ADCY2: variants seen among roughly 807,000 people sequenced by gnomAD.
ADCY2 encodes adenylate cyclase 2, also known as adenylate cyclase type 2.
A neutral mutation model predicts 125.2 loss-of-function variants in ADCY2; 31 were observed. That is an observed-to-expected ratio of 0.25 (90% CI 0.19 to 0.33). ADCY2 has a LOEUF of 0.33. ADCY2 is among the 10% of genes least tolerant of loss of function. ADCY2 has a pLI of 1.00. For missense variants in ADCY2, 904 were observed against 1,418.2 expected, an observed-to-expected ratio of 0.64 and a Z score of 5.82; for synonymous variants, 512 against 548.4, an observed-to-expected ratio of 0.93 and a Z score of 0.93.
chr5:7,411,676 A>G (rs1350483646), intron 1 of ADCY2, among the ~76,000 whole-genome samples: 2 of 152,158 alleles, frequency 1.3e-5, no homozygotes, highest in Non-Finnish European at 2.9e-5. Flanking sequence ...AGAGAGAAAA[A>G]ATAGAGAGTT....
intron 3 of ADCY2, among the ~76,000 whole-genome samples, chr5:7,526,675 A>G (rs1198146543): frequency 6.6e-6 from 1 of 152,216 alleles, no homozygotes; most frequent in Admixed American, 6.5e-5. Context: ...CACAGCAATT[A>G]TTAGTGAAAG....
At chr5:7,692,440 GA>G (rs1317524769) in intron 5 of ADCY2, among the ~76,000 whole-genome samples, 1 of 152,192 alleles carries the variant, frequency 6.6e-6, no homozygotes, top group Non-Finnish European at 1.5e-5. Context: ...ATGGATACAT[GA>G]TAGTAAAAAC....
chr5:7,433,899 TACTTCTGTCATGTC>T (rs1237032910), intron 2 of ADCY2, among the ~76,000 whole-genome samples: 2 of 152,226 alleles, frequency 1.3e-5, no homozygotes, highest in Non-Finnish European at 2.9e-5. Flanking sequence ...ATCAGATTCC[TACTTCTGTCATGTC>T]ATGTCTTCAT....
chr5:7,557,192 G>GATATATAGATATATATATATATATATAT (rs1204974635), intron 3 of ADCY2, among the ~76,000 whole-genome samples: 3 of 80,646 alleles, frequency 3.7e-5, no homozygotes, highest in Admixed American at 1.1e-4. Context: ...TTATATATGT[G>GATATATAGATATATATATATATATATAT]ATATATATAA....
chr5:7,781,227 TA>T (rs1230919525), intron 18 of ADCY2, among the ~76,000 whole-genome samples: 1 of 152,100 alleles, frequency 6.6e-6, no homozygotes, highest in Non-Finnish European at 1.5e-5. Context: ...AGAGAGCTCA[TA>T]CCCAACTAGC....
intron 15 of ADCY2, among the ~76,000 whole-genome samples, chr5:7,755,288 G>A (rs1369562507): frequency 6.6e-6 from 1 of 152,120 alleles, no homozygotes; most frequent in East Asian, 1.9e-4. Context: ...ATGAGACGAG[G>A]GCGCAGGAAA....
intron 2 of ADCY2, among the ~76,000 whole-genome samples, chr5:7,463,586 A>C (rs1448660838): frequency 6.9e-6 from 1 of 145,402 alleles, no homozygotes; most frequent in African/African-American, 2.6e-5. Flanking sequence ...CATCACATGG[A>C]TGGGCTTATG....
chr5:7,558,913 A>T (rs7711112), intron 3 of ADCY2, among the ~76,000 whole-genome samples: 8,560 of 146,026 alleles, frequency 0.059, 297 homozygotes, highest in Middle Eastern at 0.11. Flanking sequence ...CTAGCCAGTT[A>T]TCCTAGCACC....
intron 4 of ADCY2, among the ~76,000 whole-genome samples, chr5:7,666,164 C>G (rs961754432): frequency 6.6e-6 from 1 of 151,430 alleles, no homozygotes; most frequent in African/African-American, 2.4e-5. Flanking sequence ...GAAAAAAAGT[C>G]TTTAATCACT....
chr5:7,431,840 G>A (rs1740613364), intron 2 of ADCY2, among the ~76,000 whole-genome samples: 1 of 152,116 alleles, frequency 6.6e-6, no homozygotes, highest in Admixed American at 6.5e-5. Flanking sequence ...TACTGATAGG[G>A]ACAGGAGGCA....
chr5:7,569,674 C>T (rs762469530), intron 3 of ADCY2, among the ~76,000 whole-genome samples: 5 of 152,096 alleles, frequency 3.3e-5, no homozygotes, highest in Non-Finnish European at 7.3e-5. Flanking sequence ...AACTTCTTGC[C>T]TAATCATTCC....
chr5:7,609,110 T>C (rs960729844), intron 3 of ADCY2, among the ~76,000 whole-genome samples: 6 of 152,220 alleles, frequency 3.9e-5, no homozygotes. Flanking sequence ...AGCTTCATGG[T>C]TCCAGTTTAA....
intron 7 of ADCY2, among the ~76,000 whole-genome samples, chr5:7,705,614 G>A (rs1249425652): frequency 6.6e-6 from 1 of 152,148 alleles, no homozygotes. Context: ...GCAGGGCAGA[G>A]GGGTGGGGGT....
At chr5:7,546,481 A>C (rs1579559894) in intron 3 of ADCY2, among the ~76,000 whole-genome samples, 1 of 152,172 alleles carries the variant, frequency 6.6e-6, no homozygotes, top group Non-Finnish European at 1.5e-5. Context: ...CAGGGCACAC[A>C]GTGTGGAAGT....
chr5:7,574,446 T>C (rs1360296426), intron 3 of ADCY2, among the ~76,000 whole-genome samples: 1 of 152,104 alleles, frequency 6.6e-6, no homozygotes, highest in African/African-American at 2.4e-5. Flanking sequence ...TTCCAGAAGA[T>C]TCCTACAACA....
chr5:7,491,626 A>G (rs1259068098), intron 2 of ADCY2, among the ~76,000 whole-genome samples: 1 of 152,178 alleles, frequency 6.6e-6, no homozygotes, highest in Non-Finnish European at 1.5e-5. Flanking sequence ...ATTTTGGTAG[A>G]TAATTTAGAA....
chr5:7,810,040 C>T (rs1744883272), intron 22 of ADCY2, among the ~76,000 whole-genome samples: 1 of 152,206 alleles, frequency 6.6e-6, no homozygotes, highest in Non-Finnish European at 1.5e-5. Context: ...CTTCGTTTTG[C>T]CCTCAAGACC....
chr5:7,690,695 G>C lies in ADCY2; in HGVS notation c.725G>C (p.Arg242Pro). 6.3e-7 allele frequency: 1 copy of C among 1,579,488 alleles called. No individual in the cohort carries two copies. The highest frequency in any genetic ancestry group is 8.6e-7 in the Non-Finnish European group (1 of 1,165,232). Reference sequence around the variant, plus strand: ...CTCCTTCCCCACCTTGTCCAGGAGCGGCTTCTGCTCTCCCTGCTGCCGGCC... The same window carrying C: ...CTCCTTCCCCACCTTGTCCAGGAGCCGCTTCTGCTCTCCCTGCTGCCGGCC... ...KLEFEKRQQERLLLSLLPAHI... is the reference protein window; with the variant it reads ...KLEFEKRQQEPLLLSLLPAHI... The change falls in exon 5 of 25, where the codon CGG (arginine) becomes CCG (proline). Residue 242 changes from arginine (R) to proline (P), a missense_variant. Physicochemically the swap from Arg to Pro is moderately radical, Grantham distance 103. Coordinates refer to ENST00000338316, the MANE Select transcript of ADCY2 (RefSeq NM_020546.3).
chr5:7,463,818 AG>A (rs1742009644), intron 2 of ADCY2, among the ~76,000 whole-genome samples: 1 of 152,130 alleles, frequency 6.6e-6, no homozygotes, highest in Non-Finnish European at 1.5e-5. Flanking sequence ...GTGGTTTCAA[AG>A]GTGGGATAGG....
Sources: allele counts gnomAD v4.1 joint callset (sites outside exome capture counted in the v4.1 genomes callset), GRCh38; gene constraint gnomAD v4.1.1; transcripts MANE v1.5; gene names NCBI Gene and HGNC (gene_info 2026-07-23, HGNC 2026-07-21).